The following PEMT variants were observed in gnomAD, a reference collection of about 807,000 sequenced individuals.
PEMT encodes the protein phosphatidylethanolamine N-methyltransferase, also known as phospholipid methyltransferase.
A neutral mutation model predicts 27.4 loss-of-function variants in PEMT; 23 were observed. That is an observed-to-expected ratio of 0.84 (90% CI 0.60 to 1.19). The LOEUF (loss-of-function observed/expected upper bound fraction) is 1.19, where lower values mean the gene tolerates loss of function less well. Among genes scored for constraint, PEMT ranks in the 50% most tolerant of loss-of-function variants. The probability of loss-of-function intolerance (pLI) is 0.00; values close to 1 mark genes in which losing one functional copy is unlikely to be tolerated. For missense variants in PEMT, 307 were observed against 310.1 expected (o/e 0.99, Z 0.07); for synonymous variants, 137 against 139.1 (o/e 0.98, Z 0.11).
At chr17:17,522,980 T>G (rs1368923862) in intron 2 of PEMT, among the ~76,000 whole-genome samples, 1 of 152,206 alleles carries the variant, frequency 6.6e-6, no homozygotes, top group Non-Finnish European at 1.5e-5. Flanking sequence ...ACTTTTAGCC[T>G]CAGAATCCTT....
upstream of PEMT, chr17:17,591,784 C>T (rs1319316049): frequency 1.4e-6 from 2 of 1,427,416 alleles, no homozygotes; most frequent in African/African-American, 1.4e-5. Context: ...CCCGTCACCG[C>T]GAAGTGCCTC....
chr17:17,591,711 C>A, upstream of PEMT: 1 of 1,505,326 alleles, frequency 6.6e-7, no homozygotes, highest in Non-Finnish European at 8.9e-7. Flanking sequence ...GGGTAAGTGC[C>A]GCCAGTCGGG....
intron 3 of PEMT, among the ~76,000 whole-genome samples, chr17:17,516,769 C>T (rs779658891): frequency 3.9e-5 from 6 of 152,180 alleles, no homozygotes; most frequent in African/African-American, 7.2e-5. Flanking sequence ...CCCTCTCCCT[C>T]CTTCCTTCCC....
intron 3 of PEMT, among the ~76,000 whole-genome samples, chr17:17,519,741 T>C (rs908399967): frequency 6.6e-6 from 1 of 152,080 alleles, no homozygotes; most frequent in East Asian, 1.9e-4. Context: ...AGGGAGGTGA[T>C]GGGGAGGACT....
At chr17:17,556,571 A>T (rs766876063) in intron 2 of PEMT, among the ~76,000 whole-genome samples, 6 of 151,686 alleles carry the variant, frequency 4.0e-5, no homozygotes, top group Non-Finnish European at 5.9e-5. Context: ...AGGGGGTTTC[A>T]CCATGTTGGC....
At chr17:17,532,234 A>G (rs925211887) in intron 2 of PEMT, among the ~76,000 whole-genome samples, 1 of 152,234 alleles carries the variant, frequency 6.6e-6, no homozygotes, top group South Asian at 2.1e-4. Context: ...AGGCATTCAG[A>G]TTGAAAAGAA....
chr17:17,558,690 A>C (rs1910244930), intron 2 of PEMT, among the ~76,000 whole-genome samples: 1 of 130,838 alleles, frequency 7.6e-6, no homozygotes. Context: ...ACGAAAAAAA[A>C]AAAAAAAAAC....
Position 17,512,722 on chromosome 17 carries a change from G to T in PEMT, c.321-68C>A. ...GGATGTCACAGCCCGGGAGGAGGCC[G>T]ACCTCATCTTCTCGCCCTCTCCCCA... On this transcript the variant is annotated intron_variant, in intron 3 of 6. Transcript: ENST00000255389. The surrounding 1 kb of genome is among the most constrained non-coding windows in gnomAD (Gnocchi z 6.3). 1 of 1,387,256 alleles carries T rather than the reference G, an allele frequency of 7.2e-7. No homozygotes were observed. Among genetic ancestry groups the T allele is most frequent in the Admixed American group, 2.8e-5 (1 of 35,716 alleles). 85.9% of individuals were successfully genotyped at this position (1,387,256 alleles called of 1,614,324 possible).
intron 1 of PEMT, among the ~76,000 whole-genome samples, chr17:17,579,535 G>A (rs1911851949): frequency 6.6e-6 from 1 of 152,168 alleles, no homozygotes; most frequent in Non-Finnish European, 1.5e-5. Context: ...AAAATTAGCT[G>A]GGCGTGGTGG....
At chr17:17,541,247 G>T (rs922177877) in intron 2 of PEMT, among the ~76,000 whole-genome samples, 3 of 152,230 alleles carry the variant, frequency 2.0e-5, no homozygotes, top group Non-Finnish European at 2.9e-5. Flanking sequence ...CTGCAAGGAA[G>T]ATGTCTCCCT....
At chr17:17,573,275 G>A (rs1292954727) in intron 2 of PEMT, among the ~76,000 whole-genome samples, 1 of 152,022 alleles carries the variant, frequency 6.6e-6, no homozygotes, top group Non-Finnish European at 1.5e-5. Context: ...ACAAGGCCTG[G>A]CCAAGATGGT....
intron 2 of PEMT, among the ~76,000 whole-genome samples, chr17:17,531,674 TA>T (rs1908109805): frequency 3.8e-5 from 2 of 53,270 alleles, no homozygotes; most frequent in African/African-American, 1.3e-4. Context: ...TCAGAAAAAA[TA>T]TAAAAATGAA....
intron 1 of PEMT, 111 bp downstream of exon 1, chr17:17,591,420 T>G: frequency 1.2e-5 from 8 of 684,784 alleles, no homozygotes; most frequent in East Asian, 4.2e-5. Flanking sequence ...CCCCATTGCC[T>G]GGGAACTGGC....
At chr17:17,542,228 G>A (rs1393492756) in intron 2 of PEMT, among the ~76,000 whole-genome samples, 24 of 90,082 alleles carry the variant, frequency 2.7e-4, no homozygotes, top group African/African-American at 9.0e-4. Context: ...TGATCTACCC[G>A]CCTCAGCCTC....
intron 2 of PEMT, among the ~76,000 whole-genome samples, chr17:17,573,442 G>A (rs1567742324): frequency 6.6e-6 from 1 of 151,260 alleles, no homozygotes; most frequent in South Asian, 2.1e-4. Flanking sequence ...ACTCCAGCCT[G>A]GGAAACAGAG....
intron 2 of PEMT, among the ~76,000 whole-genome samples, chr17:17,535,956 C>CT (rs1908437584): frequency 6.6e-6 from 1 of 152,242 alleles, no homozygotes; most frequent in Non-Finnish European, 1.5e-5. Flanking sequence ...GGGGATGCCC[C>CT]TGCCCTCCCT....
intron 3 of PEMT, among the ~76,000 whole-genome samples, chr17:17,514,944 GC>G (rs1245118402): frequency 2.0e-5 from 3 of 152,234 alleles, no homozygotes; most frequent in Non-Finnish European, 2.9e-5. Flanking sequence ...AGGGAGGTGT[GC>G]CTTAGAGTCT....
rs1336334211 is a variant in PEMT at position 17,586,252 on chromosome 17, G to T, written c.96+5279C>A. Among the ~76,000 whole-genome samples the T allele has an allele frequency of 2.7e-4, 27 of 100,354 alleles. 1 individual carries two copies. The highest frequency in any genetic ancestry group is 1.2e-3 in the African/African-American group (27 of 22,932). 65.8% of individuals were successfully genotyped at this position (100,354 alleles called of 152,430 possible). On this transcript the variant is annotated intron_variant, in intron 1 of 6. Transcript: ENST00000255389. ...AGAAAGAAAGAAAGAAAGAAAGAAA[G>T]AAAGAAAGAAAGAAAGAAAGAAAGA...
intron 2 of PEMT, among the ~76,000 whole-genome samples, chr17:17,550,559 T>C (rs769877197): frequency 4.0e-4 from 61 of 152,304 alleles, no homozygotes; most frequent in Non-Finnish European, 7.8e-4. Context: ...AGAACAGAAG[T>C]GTCGGGCTCA....
Sources: gnomAD v4.1 joint callset for allele counts (sites outside exome capture counted in the v4.1 genomes callset) on GRCh38, gnomAD v4.1.1 for gene constraint, Gnocchi (gnomAD v3.1) non-coding constraint, MANE v1.5 for transcripts, NCBI Gene and HGNC (gene_info 2026-07-23, HGNC 2026-07-21) for gene names.